RORB: variants seen among roughly 807,000 people sequenced by gnomAD.
The protein encoded by RORB is RAR related orphan receptor B.
A neutral mutation model predicts 59.1 loss-of-function variants in RORB; 6 were observed. The observed-to-expected ratio is 0.10, with a 90% CI of 0.06 to 0.20. The LOEUF is 0.20. Among genes scored for constraint, RORB ranks in the 10% least tolerant of loss-of-function variants. RORB has a pLI of 1.00. For missense variants in RORB, 320 were observed against 560.5 expected, an observed-to-expected ratio of 0.57 and a Z score of 4.33; for synonymous variants, 215 against 204.5, an observed-to-expected ratio of 1.05 and a Z score of -0.44.
intron 1 of RORB, among the ~76,000 whole-genome samples, chr9:74,503,535 A>G (rs774327084): frequency 2.0e-5 from 3 of 152,064 alleles, no homozygotes; most frequent in Non-Finnish European, 2.9e-5. Flanking sequence ...ACGTGGTACT[A>G]GAGTCGCATA....
At chr9:74,678,166 A>T (rs1232058131) in intron 9 of RORB, among the ~76,000 whole-genome samples, 2 of 152,240 alleles carry the variant, frequency 1.3e-5, no homozygotes, top group African/African-American at 2.4e-5. Flanking sequence ...TCAAGTGATT[A>T]CATATCTTGC....
chr9:74,631,644 T>C (rs1489029683), intron 2 of RORB, among the ~76,000 whole-genome samples: 2 of 151,996 alleles, frequency 1.3e-5, no homozygotes, highest in African/African-American at 4.8e-5. Flanking sequence ...AAGAATAAAG[T>C]GGGAGAGGGA....
rs930350161 is a variant in RORB at position 74,556,075 on chromosome 9, G to A, written c.7+58092G>A. 3.9e-4 allele frequency among the ~76,000 whole-genome samples: 60 copies of A among 152,070 alleles called. 1 individual carries two copies. Among genetic ancestry groups the A allele is most frequent in the Admixed American group, 3.8e-3 (58 of 15,266 alleles). ...AAGTTTTCTATTGCAAATTGTTGAC[G>A]TCGTTACTTTCTGCCTTTGTAATTT... On this transcript the variant is annotated intron_variant, in intron 1 of 9. Coordinates refer to ENST00000376896, the MANE Select transcript of RORB (RefSeq NM_006914.4).
intron 9 of RORB, among the ~76,000 whole-genome samples, chr9:74,683,057 C>T (rs1824572822): frequency 2.0e-5 from 3 of 152,180 alleles, no homozygotes; most frequent in Admixed American, 2.0e-4. Context: ...ACTGAATCCT[C>T]TAGGAGTAGG....
At chr9:74,560,839 G>A (rs1463511262) in intron 1 of RORB, among the ~76,000 whole-genome samples, 1 of 152,058 alleles carries the variant, frequency 6.6e-6, no homozygotes, top group African/African-American at 2.4e-5. Context: ...CTACAACGAC[G>A]TGGGTTTCTG....
chr9:74,541,279 C>CAAAAAAAAAAA, intron 1 of RORB, among the ~76,000 whole-genome samples: 617 of 43,536 alleles, frequency 0.014, 11 homozygotes, highest in Non-Finnish European at 0.017. Context: ...GACTCCATCT[C>CAAAAAAAAAAA]AAAAAAAAAA....
intron 1 of RORB, among the ~76,000 whole-genome samples, chr9:74,607,931 G>A (rs1388282171): frequency 6.6e-6 from 1 of 152,050 alleles, no homozygotes; most frequent in Non-Finnish European, 1.5e-5. Context: ...TGGGCTGGAG[G>A]GAATCATAAT....
intron 1 of RORB, among the ~76,000 whole-genome samples, chr9:74,621,186 A>G (rs1823411367): frequency 6.6e-6 from 1 of 152,158 alleles, no homozygotes; most frequent in South Asian, 2.1e-4. Flanking sequence ...CAAATCTGTA[A>G]TGATGTGTAT....
At chr9:74,676,720 C>T (rs541675145) in intron 9 of RORB, among the ~76,000 whole-genome samples, 6 of 152,326 alleles carry the variant, frequency 3.9e-5, no homozygotes, top group East Asian at 1.9e-4. Context: ...TCTCTTTCTT[C>T]GTATTTCTGG....
rs369552603 is a variant in RORB at position 74,609,260 on chromosome 9, T to A, written c.8-21022T>A. Among the ~76,000 whole-genome samples the A allele has an allele frequency of 1.2e-4, 19 of 152,334 alleles. No homozygotes were observed. The South Asian group carries it at 3.3e-3, about 27-fold the overall frequency. ...AGGAAACAAAGGTTCTGAGGGGCTG[T>A]AACTTCCCAACACTGCATAGCTAGA... On this transcript the variant is annotated intron_variant, in intron 1 of 9. Coordinates refer to ENST00000376896, the MANE Select transcript of RORB (RefSeq NM_006914.4).
At chr9:74,599,582 C>G (rs750009447) in intron 1 of RORB, among the ~76,000 whole-genome samples, 43 of 152,176 alleles carry the variant, frequency 2.8e-4, no homozygotes, top group Non-Finnish European at 5.6e-4. Context: ...TTAGCATGGT[C>G]TTTTAAAAGG....
chr9:74,573,401 G>T (rs572499015), intron 1 of RORB, among the ~76,000 whole-genome samples: 1 of 149,392 alleles, frequency 6.7e-6, no homozygotes. Flanking sequence ...CAGAAGGCCA[G>T]GAAGCACTGC....
At chr9:74,544,176 C>T (rs1411828603) in intron 1 of RORB, among the ~76,000 whole-genome samples, 1 of 152,158 alleles carries the variant, frequency 6.6e-6, no homozygotes, top group East Asian at 1.9e-4. Context: ...TTGCCGCTTG[C>T]CTTGGTGCCT....
At chr9:74,563,273 A>G (rs1250075675) in intron 1 of RORB, among the ~76,000 whole-genome samples, 2 of 150,176 alleles carry the variant, frequency 1.3e-5, no homozygotes, top group Admixed American at 6.7e-5. Flanking sequence ...GCAACTTCCA[A>G]CTCCCAGATT....
intron 4 of RORB, among the ~76,000 whole-genome samples, chr9:74,651,443 G>A (rs1206823033): frequency 2.0e-5 from 3 of 151,964 alleles, no homozygotes; most frequent in East Asian, 1.9e-4. Context: ...GCTGAGGCAC[G>A]AGAATTGCTT....
intron 9 of RORB, among the ~76,000 whole-genome samples, chr9:74,677,024 G>A: frequency 6.6e-6 from 1 of 152,164 alleles, no homozygotes; most frequent in East Asian, 1.9e-4. Context: ...GGGCCACAGA[G>A]GAGACAGATC....
At chr9:74,584,726 T>C (rs979755000) in intron 1 of RORB, among the ~76,000 whole-genome samples, 3 of 152,166 alleles carry the variant, frequency 2.0e-5, no homozygotes, top group African/African-American at 7.2e-5. Context: ...TGTTTGTTGG[T>C]ATTGGAAATA....
intron 1 of RORB, among the ~76,000 whole-genome samples, chr9:74,593,598 T>G (rs1237830694): frequency 6.6e-6 from 1 of 152,240 alleles, no homozygotes; most frequent in East Asian, 1.9e-4. Flanking sequence ...AGTCTATTTT[T>G]ATTTTTCCAT....
At chr9:74,679,010 A>G (rs1315478813) in intron 9 of RORB, among the ~76,000 whole-genome samples, 2 of 148,844 alleles carry the variant, frequency 1.3e-5, no homozygotes, top group Non-Finnish European at 3.0e-5. Context: ...CCAGCCTGGG[A>G]GACAGAACAA....
Sources: gnomAD v4.1 joint callset for allele counts (sites outside exome capture counted in the v4.1 genomes callset) on GRCh38, gnomAD v4.1.1 for gene constraint, MANE v1.5 for transcripts, NCBI Gene and HGNC (gene_info 2026-07-23, HGNC 2026-07-21) for gene names.